The following CDK13 variants were observed in gnomAD, a reference collection of about 807,000 sequenced individuals.
The protein encoded by CDK13 is cyclin-dependent kinase 13.
A neutral mutation model predicts 137.6 loss-of-function variants in CDK13; 40 were observed. The observed-to-expected ratio is 0.29, with a 90% CI of 0.23 to 0.38. The LOEUF is 0.38. Ranked by LOEUF, CDK13 falls within the 10% of genes least tolerant of loss-of-function variation. The probability of loss-of-function intolerance (pLI) is 1.00; values close to 1 mark genes in which losing one functional copy is unlikely to be tolerated. For synonymous variants in CDK13, 869 were observed against 760.1 expected, an observed-to-expected ratio of 1.14 and a Z score of -2.36; for missense variants, 1,704 against 1,951.8, an observed-to-expected ratio of 0.87 and a Z score of 2.39.
chr7:40,051,270 T>C (rs1239909350), intron 7 of CDK13, among the ~76,000 whole-genome samples: 4 of 152,130 alleles, frequency 2.6e-5, no homozygotes, highest in Non-Finnish European at 4.4e-5. Flanking sequence ...TCTCTTTTTT[T>C]TTTTTAAGAG....
chr7:39,997,291 C>G (rs1383941116), intron 2 of CDK13, among the ~76,000 whole-genome samples: 1 of 152,010 alleles, frequency 6.6e-6, no homozygotes, highest in Non-Finnish European at 1.5e-5. Flanking sequence ...TTACCTAATT[C>G]TATATCATTT....
chr7:39,997,191 T>G (rs1455803608), intron 2 of CDK13, among the ~76,000 whole-genome samples: 2 of 152,140 alleles, frequency 1.3e-5, no homozygotes, highest in Non-Finnish European at 2.9e-5. Flanking sequence ...GTTAATATCT[T>G]ACATCAGTAT....
intron 13 of CDK13, among the ~76,000 whole-genome samples, chr7:40,093,719 A>G (rs1323617040): frequency 6.6e-6 from 1 of 152,054 alleles, no homozygotes; most frequent in Non-Finnish European, 1.5e-5. Flanking sequence ...TATCTGTGCA[A>G]CATAGTGAGA....
rs148060741 is a variant in CDK13 at position 40,060,337 on chromosome 7, A to G, written c.2601-2489A>G. On this transcript the variant is annotated intron_variant, in intron 7 of 13. Transcript: ENST00000181839. Reference sequence around the variant, plus strand: ...ATTAACTATTTGTAGATAGATTTATATAAATTTAAACATTTCCTTGAGCCT... The same window carrying G: ...ATTAACTATTTGTAGATAGATTTATGTAAATTTAAACATTTCCTTGAGCCT... Among the ~76,000 whole-genome samples, 574 of 152,342 alleles carry G rather than the reference A, an allele frequency of 3.8e-3. 3 individuals carry two copies. Among genetic ancestry groups the G allele is most frequent in the African/African-American group, 0.013 (558 of 41,584 alleles).
chr7:40,024,906 C>T (rs1241195954), intron 5 of CDK13, among the ~76,000 whole-genome samples: 3 of 151,994 alleles, frequency 2.0e-5, no homozygotes, highest in African/African-American at 4.8e-5. Context: ...TCAAGTGATT[C>T]GCCCGCCTTG....
chr7:40,016,307 C>A (rs1480372147), intron 5 of CDK13, among the ~76,000 whole-genome samples: 2 of 152,140 alleles, frequency 1.3e-5, no homozygotes, highest in East Asian at 3.8e-4. Context: ...TGTCTCTGAG[C>A]TTGAGTGTTA....
chr7:39,976,323 T>TCTCTCTCTCTCTCTCACA, intron 1 of CDK13, among the ~76,000 whole-genome samples: 826 of 39,504 alleles, frequency 0.021, 69 homozygotes, highest in Non-Finnish European at 0.037. Flanking sequence ...TCTCTCTCTC[T>TCTCTCTCTCTCTCTCACA]CACACACACA....
intron 5 of CDK13, among the ~76,000 whole-genome samples, chr7:40,025,907 T>C (rs1785233094): frequency 1.3e-5 from 2 of 152,360 alleles, no homozygotes. Flanking sequence ...TATTTTTCTA[T>C]GTGAAGCAAT....
rs1787102336 is a variant in CDK13, at chr7:39,950,346, G to C, written c.-296G>C. On this transcript the variant is annotated 5_prime_UTR_variant, in exon 1 of 14. Coordinates refer to ENST00000181839, the MANE Select transcript of CDK13 (RefSeq NM_003718.5). ...TTGGAGGACTCGGGACTCCCCCGCA[G>C]GTCAGCGCCCGGCGCATCTGGTGTT... is the stretch of plus-strand genomic sequence containing the variant. 2.6e-5 allele frequency: 30 copies of C among 1,173,992 alleles called. No homozygotes were observed. Among genetic ancestry groups the C allele is most frequent in the Non-Finnish European group, 3.2e-5 (30 of 951,366 alleles). The allele number at this position is 1,173,992 out of a possible 1,614,324, so 72.7% of individuals were successfully genotyped here.
intron 10 of CDK13, 27 bp downstream of exon 10, chr7:40,078,148 T>C (rs751839943): frequency 9.5e-7 from 1 of 1,049,504 alleles, no homozygotes; most frequent in Non-Finnish European, 1.4e-6. Flanking sequence ...TAAACATCCT[T>C]ATTGCATGAA....
intron 2 of CDK13, among the ~76,000 whole-genome samples, chr7:39,993,062 G>T (rs1348695651): frequency 6.6e-6 from 1 of 152,162 alleles, no homozygotes; most frequent in Admixed American, 6.5e-5. Context: ...TTTTGGCAGT[G>T]ATTGAATATC....
intron 1 of CDK13, among the ~76,000 whole-genome samples, chr7:39,957,611 G>A (rs1264762329): frequency 1.3e-5 from 2 of 152,178 alleles, no homozygotes; most frequent in African/African-American, 4.8e-5. Context: ...GGGAATTTAA[G>A]AACCTCCTTC....
intron 4 of CDK13, among the ~76,000 whole-genome samples, chr7:40,000,592 A>G (rs962598503): frequency 6.6e-6 from 1 of 152,204 alleles, no homozygotes. Context: ...GAGGCCATAT[A>G]GTATATGGGA....
chr7:40,085,108 C>T (rs887371077), intron 11 of CDK13, among the ~76,000 whole-genome samples: 2 of 152,130 alleles, frequency 1.3e-5, no homozygotes, highest in Non-Finnish European at 2.9e-5. Flanking sequence ...TGCCTGTAAT[C>T]CCAGCACTTT....
intron 5 of CDK13, among the ~76,000 whole-genome samples, chr7:40,040,388 A>G (rs1029565302): frequency 1.3e-5 from 2 of 152,130 alleles, no homozygotes; most frequent in Non-Finnish European, 2.9e-5. Flanking sequence ...GTTTTATTTC[A>G]TGTTTATTTA....
chr7:40,029,013 G>T (rs1785306860), intron 5 of CDK13, among the ~76,000 whole-genome samples: 1 of 151,932 alleles, frequency 6.6e-6, no homozygotes, highest in African/African-American at 2.4e-5. Flanking sequence ...ATGGGTTTGA[G>T]CTGCATGGGT....
chr7:40,051,648 T>G (rs1054613389), intron 7 of CDK13, among the ~76,000 whole-genome samples: 5 of 152,214 alleles, frequency 3.3e-5, no homozygotes, highest in African/African-American at 1.2e-4. Flanking sequence ...AGAGCAGTTT[T>G]CAGCTTACAA....
At chr7:40,089,274 A>G (rs1207491546) in intron 12 of CDK13, among the ~76,000 whole-genome samples, 1 of 150,656 alleles carries the variant, frequency 6.6e-6, no homozygotes, top group East Asian at 2.0e-4. Context: ...GTCTCTACTA[A>G]AAATACAAAA....
chr7:40,053,923 GT>G (rs1785953219), intron 7 of CDK13, among the ~76,000 whole-genome samples: 1 of 152,174 alleles, frequency 6.6e-6, no homozygotes, highest in Non-Finnish European at 1.5e-5. Context: ...AGTTACAGAA[GT>G]TTAGAAAATT....
Sources: allele counts gnomAD v4.1 joint callset (sites outside exome capture counted in the v4.1 genomes callset), GRCh38; gene constraint gnomAD v4.1.1; transcripts MANE v1.5; gene names NCBI Gene and HGNC (gene_info 2026-07-23, HGNC 2026-07-21).